Variants in MYT1L observed in about 807,000 individuals in gnomAD.
The protein encoded by MYT1L is myelin transcription factor 1-like protein.
A neutral mutation model predicts 126.7 loss-of-function variants in MYT1L; 12 were observed. That is an observed-to-expected ratio of 0.09 (90% confidence interval 0.06 to 0.15). The LOEUF is 0.15. Ranked by LOEUF, MYT1L falls within the 10% of genes least tolerant of loss-of-function variation. The pLI is 1.00. For missense variants in MYT1L, 979 were observed against 1,585.2 expected (o/e 0.62, Z 6.49); for synonymous variants, 541 against 604.2 (o/e 0.90, Z 1.53).
intron 3 of MYT1L, among the ~76,000 whole-genome samples, chr2:2,127,121 G>A (rs2081814827): frequency 6.6e-6 from 1 of 152,204 alleles, no homozygotes; most frequent in South Asian, 2.1e-4. Flanking sequence ...AGGGGCATAT[G>A]TGCAGGTTTT....
chr2:2,118,119 A>G (rs989910086), intron 3 of MYT1L, among the ~76,000 whole-genome samples: 1 of 149,010 alleles, frequency 6.7e-6, no homozygotes, highest in Non-Finnish European at 1.5e-5. Context: ...TTTATATATA[A>G]TATTTTATAT....
intron 8 of MYT1L, among the ~76,000 whole-genome samples, chr2:1,958,880 C>T (rs930448162): frequency 2.6e-5 from 4 of 152,198 alleles, no homozygotes; most frequent in Non-Finnish European, 5.9e-5. Flanking sequence ...CCGGCCCACC[C>T]GACTGCAGAG....
At chr2:2,235,313 G>A (rs61010775) in intron 2 of MYT1L, among the ~76,000 whole-genome samples, 1 of 147,782 alleles carries the variant, frequency 6.8e-6, no homozygotes. Flanking sequence ...GTGTAGAGGT[G>A]TGTGTGTAGC....
chr2:2,211,669 G>C (rs2093513446), intron 2 of MYT1L, among the ~76,000 whole-genome samples: 1 of 151,852 alleles, frequency 6.6e-6, no homozygotes, highest in Non-Finnish European at 1.5e-5. Context: ...GCTGGGCGTG[G>C]TGGCGGGCGC....
chr2:2,312,831 C>T (rs2095997325), intron 1 of MYT1L, among the ~76,000 whole-genome samples: 1 of 151,804 alleles, frequency 6.6e-6, no homozygotes, highest in African/African-American at 2.4e-5. Flanking sequence ...CTATTGTAAG[C>T]TGGGGTGTGG....
chr2:2,028,979 A>C (rs1227632407), intron 4 of MYT1L, among the ~76,000 whole-genome samples: 1 of 152,200 alleles, frequency 6.6e-6, no homozygotes, highest in Non-Finnish European at 1.5e-5. Flanking sequence ...GGTCTCTCTA[A>C]GCCTCGGTAT....
At chr2:2,094,869 T>A (rs575504615) in intron 3 of MYT1L, among the ~76,000 whole-genome samples, 83 of 152,242 alleles carry the variant, frequency 5.5e-4, no homozygotes, top group African/African-American at 1.9e-3. Context: ...AATGTATACA[T>A]ATGTAACTAA....
intron 1 of MYT1L, among the ~76,000 whole-genome samples, chr2:2,317,959 A>G (rs2149667060): frequency 6.6e-6 from 1 of 152,264 alleles, no homozygotes; most frequent in South Asian, 2.1e-4. Context: ...TCCCCAGTCA[A>G]AGGAGGAAGG....
intron 4 of MYT1L, among the ~76,000 whole-genome samples, chr2:2,016,464 T>C (rs1170536658): frequency 4.6e-5 from 7 of 152,316 alleles, no homozygotes; most frequent in Middle Eastern, 3.4e-3. Flanking sequence ...TCAAGAGTTC[T>C]CACAGCCGCC....
chr2:2,056,809 C>G (rs868799089), intron 3 of MYT1L, among the ~76,000 whole-genome samples: 2 of 152,234 alleles, frequency 1.3e-5, no homozygotes, highest in African/African-American at 2.4e-5. Context: ...CTCTCAGTCA[C>G]ACTCTGTTCT....
intron 2 of MYT1L, among the ~76,000 whole-genome samples, chr2:2,210,968 T>C (rs1054866941): frequency 6.6e-6 from 1 of 152,202 alleles, no homozygotes; most frequent in Non-Finnish European, 1.5e-5. Flanking sequence ...ACTTCCTATG[T>C]ATTTAATTTT....
At chr2:2,217,883 G>A (rs1390803063) in intron 2 of MYT1L, among the ~76,000 whole-genome samples, 1 of 152,084 alleles carries the variant, frequency 6.6e-6, no homozygotes, top group Non-Finnish European at 1.5e-5. Context: ...AACAAGATCA[G>A]CACCACATTT....
At chr2:2,213,569 C>T (rs1028337880) in intron 2 of MYT1L, among the ~76,000 whole-genome samples, 14 of 152,198 alleles carry the variant, frequency 9.2e-5, no homozygotes, top group Non-Finnish European at 1.6e-4. Context: ...TTCTCGTCAG[C>T]CAGGTGCTAA....
chr2:1,981,623 G>A (rs1002563709), intron 5 of MYT1L, among the ~76,000 whole-genome samples: 3 of 152,216 alleles, frequency 2.0e-5, no homozygotes, highest in East Asian at 1.9e-4. Flanking sequence ...GTGCAGTGTT[G>A]GAAGGGATGT....
intron 4 of MYT1L, among the ~76,000 whole-genome samples, chr2:2,005,056 A>ATTCTTTCCTGCATGCG (rs1188083234): frequency 1.2e-5 from 1 of 85,052 alleles, no homozygotes; most frequent in African/African-American, 5.0e-5. Flanking sequence ...TCCTGAATAC[A>ATTCTTTCCTGCATGCG]TTCTTTCCTG....
intron 21 of MYT1L, among the ~76,000 whole-genome samples, chr2:1,812,850 TG>T (rs1321709343): frequency 7.9e-6 from 1 of 126,336 alleles, no homozygotes; most frequent in East Asian, 2.4e-4. Flanking sequence ...CACTCCAGCC[TG>T]GGTGACAGAG....
intron 22 of MYT1L, among the ~76,000 whole-genome samples, chr2:1,804,280 C>A (rs1307062861): frequency 6.6e-6 from 1 of 152,100 alleles, no homozygotes; most frequent in Non-Finnish European, 1.5e-5. Context: ...GCCACTACAC[C>A]CGGCTAATTT....
intron 18 of MYT1L, among the ~76,000 whole-genome samples, chr2:1,877,249 C>T (rs2047022788): frequency 6.6e-6 from 1 of 152,064 alleles, no homozygotes; most frequent in Non-Finnish European, 1.5e-5. Context: ...ATGGAAGCTG[C>T]AAAAACACAT....
chr2:2,271,251 C>T (rs968091871), intron 2 of MYT1L, among the ~76,000 whole-genome samples: 1 of 152,202 alleles, frequency 6.6e-6, no homozygotes, highest in Non-Finnish European at 1.5e-5. Flanking sequence ...TCCCCGCAGG[C>T]ATACTGGCTC....
Sources: allele counts gnomAD v4.1 joint callset (sites outside exome capture counted in the v4.1 genomes callset), GRCh38; gene constraint gnomAD v4.1.1; transcripts MANE v1.5; gene names NCBI Gene and HGNC (gene_info 2026-07-23, HGNC 2026-07-21).